The following CSMD1 variants were observed in gnomAD, a reference collection of about 807,000 sequenced individuals.
CSMD1 encodes CUB and Sushi multiple domains 1.
In CSMD1, 213 loss-of-function variants were observed where a neutral mutation model predicts 417.5. The observed-to-expected ratio is 0.51, with a 90% CI of 0.46 to 0.57. The LOEUF (loss-of-function observed/expected upper bound fraction) is 0.57, where lower values mean the gene tolerates loss of function less well. Ranked by LOEUF, CSMD1 falls within the 20% of genes least tolerant of loss-of-function variation. CSMD1 has a pLI of 0.00. For missense variants in CSMD1, 6,923 were observed against 4,529.7 expected (o/e 1.53, Z -15.17); for synonymous variants, 2,862 against 1,736.8 (o/e 1.65, Z -16.11).
intron 2 of CSMD1, among the ~76,000 whole-genome samples, chr8:4,543,163 A>G (rs1235359189): frequency 6.6e-6 from 1 of 152,188 alleles, no homozygotes; most frequent in Non-Finnish European, 1.5e-5. Flanking sequence ...ATTCAAGTCC[A>G]TTATTGACAT....
chr8:4,412,328 A>T (rs1796695276), intron 3 of CSMD1, among the ~76,000 whole-genome samples: 1 of 151,834 alleles, frequency 6.6e-6, no homozygotes, highest in Admixed American at 6.6e-5. Context: ...CAAAAGATTC[A>T]CCAAAATTGA....
At chr8:4,784,964 A>G (rs557743444) in intron 1 of CSMD1, among the ~76,000 whole-genome samples, 2 of 152,320 alleles carry the variant, frequency 1.3e-5, no homozygotes, top group Admixed American at 1.3e-4. Flanking sequence ...GTGGTAAAAA[A>G]ATGCAATACT....
intron 37 of CSMD1, among the ~76,000 whole-genome samples, chr8:3,180,062 G>T (rs1158431736): frequency 6.6e-6 from 1 of 152,122 alleles, no homozygotes; most frequent in Admixed American, 6.6e-5. Context: ...GCTTATCCAT[G>T]TATTTGCTTA....
chr8:4,193,572 G>T (rs984015723), intron 3 of CSMD1, among the ~76,000 whole-genome samples: 2 of 152,078 alleles, frequency 1.3e-5, no homozygotes, highest in African/African-American at 4.8e-5. Context: ...GAAAACAAAT[G>T]AAAGAGGCAG....
chr8:3,428,349 T>G (rs900992307), intron 12 of CSMD1, among the ~76,000 whole-genome samples: 3 of 152,158 alleles, frequency 2.0e-5, no homozygotes, highest in South Asian at 2.1e-4. Flanking sequence ...GCATAACTCT[T>G]GCAGCTTATG....
At chr8:3,705,146 C>G (rs1466625549) in intron 7 of CSMD1, among the ~76,000 whole-genome samples, 3 of 152,180 alleles carry the variant, frequency 2.0e-5, no homozygotes, top group East Asian at 3.9e-4. Flanking sequence ...GGGACACCAC[C>G]AGGGACAGGG....
chr8:4,716,398 T>C (rs1446663066), intron 1 of CSMD1, among the ~76,000 whole-genome samples: 1 of 152,122 alleles, frequency 6.6e-6, no homozygotes, highest in Non-Finnish European at 1.5e-5. Flanking sequence ...AACACAAGGA[T>C]GGGACTTTTT....
At chr8:4,714,648 G>A (rs957119544) in intron 1 of CSMD1, among the ~76,000 whole-genome samples, 1 of 151,524 alleles carries the variant, frequency 6.6e-6, no homozygotes, top group African/African-American at 2.4e-5. Context: ...CCTTTCCCCA[G>A]AAAGACATAC....
At chr8:3,547,700 G>A (rs1450690857) in intron 10 of CSMD1, among the ~76,000 whole-genome samples, 1 of 152,026 alleles carries the variant, frequency 6.6e-6, no homozygotes, top group Non-Finnish European at 1.5e-5. Context: ...AATCTACTAA[G>A]CCTACCTATA....
intron 3 of CSMD1, among the ~76,000 whole-genome samples, chr8:4,276,907 G>A (rs919546660): frequency 6.6e-6 from 1 of 152,080 alleles, no homozygotes; most frequent in Non-Finnish European, 1.5e-5. Context: ...ATATGTAATA[G>A]AGTACTGGAA....
chr8:4,900,207 G>A (rs1022180503), intron 1 of CSMD1, among the ~76,000 whole-genome samples: 1 of 151,776 alleles, frequency 6.6e-6, no homozygotes, highest in Non-Finnish European at 1.5e-5. Flanking sequence ...TGAAGACACG[G>A]GTTGGGTGCC....
chr8:3,345,361 G>A (rs1251459369), intron 22 of CSMD1, among the ~76,000 whole-genome samples: 2 of 152,110 alleles, frequency 1.3e-5, no homozygotes, highest in African/African-American at 4.8e-5. Context: ...CTTTATCCAT[G>A]TCATCAGCAA....
intron 3 of CSMD1, among the ~76,000 whole-genome samples, chr8:4,342,883 A>C (rs1449193977): frequency 6.6e-6 from 1 of 152,108 alleles, no homozygotes; most frequent in East Asian, 1.9e-4. Flanking sequence ...GTGACATATC[A>C]GGAGAAGCAA....
intron 2 of CSMD1, among the ~76,000 whole-genome samples, chr8:4,626,214 G>C (rs1029246407): frequency 2.0e-5 from 3 of 152,124 alleles, no homozygotes; most frequent in Non-Finnish European, 4.4e-5. Flanking sequence ...TTTTGGCTGA[G>C]AGGACACAGC....
intron 10 of CSMD1, among the ~76,000 whole-genome samples, chr8:3,506,516 G>T (rs10109725): frequency 0.02 from 2,978 of 152,262 alleles, 33 homozygotes; most frequent in Middle Eastern, 0.068. Flanking sequence ...ATGCTCTATG[G>T]AGCAGCAGTT....
chr8:3,586,504 C>G (rs1800608839), intron 8 of CSMD1, among the ~76,000 whole-genome samples: 1 of 152,092 alleles, frequency 6.6e-6, no homozygotes, highest in Non-Finnish European at 1.5e-5. Context: ...ACACATGAAC[C>G]TTAACTTGTC....
chr8:4,658,923 A>G (rs12681845), intron 1 of CSMD1, among the ~76,000 whole-genome samples: 10,941 of 152,212 alleles, frequency 0.072, 616 homozygotes, highest in East Asian at 0.23. Flanking sequence ...CGTTGATATT[A>G]ATAGAACTAG....
chr8:4,886,994 A>G (rs1431765631), intron 1 of CSMD1, among the ~76,000 whole-genome samples: 1 of 151,916 alleles, frequency 6.6e-6, no homozygotes, highest in Non-Finnish European at 1.5e-5. Context: ...CTCAACTCTT[A>G]TATATTTCCT....
chr8:4,282,658 T>C (rs924288236), intron 3 of CSMD1, among the ~76,000 whole-genome samples: 3 of 152,218 alleles, frequency 2.0e-5, no homozygotes, highest in Non-Finnish European at 2.9e-5. Flanking sequence ...TTTTATTTAT[T>C]TGAATACCAG....
Sources: gnomAD v4.1 joint callset for allele counts (sites outside exome capture counted in the v4.1 genomes callset) on GRCh38, gnomAD v4.1.1 for gene constraint, MANE v1.5 for transcripts, NCBI Gene and HGNC (gene_info 2026-07-23, HGNC 2026-07-21) for gene names.